INTS6: variants seen among roughly 807,000 people sequenced by gnomAD.
INTS6 encodes the protein DEAD box protein.
In INTS6, 16 loss-of-function variants were observed where a neutral mutation model predicts 104.9. The ratio of observed to expected loss-of-function variants is 0.15; its 90% CI spans 0.10 to 0.23. INTS6 has a LOEUF of 0.23. Ranked by LOEUF, INTS6 falls within the 10% of genes least tolerant of loss-of-function variation. The pLI, the probability that INTS6 is intolerant of heterozygous loss-of-function variation, is 1.00. For synonymous variants in INTS6, 324 were observed against 358.7 expected (o/e 0.90, Z 1.09); for missense variants, 584 against 1,062.8 (o/e 0.55, Z 6.26).
intron 4 of INTS6, among the ~76,000 whole-genome samples, chr13:51,414,812 T>C (rs983604351): frequency 5.4e-5 from 8 of 147,356 alleles, no homozygotes; most frequent in African/African-American, 1.8e-4. Flanking sequence ...CTTCTATATA[T>C]GTATGTATGT....
downstream of INTS6, among the ~76,000 whole-genome samples, chr13:51,358,751 G>A (rs79455016): frequency 4.8e-4 from 73 of 152,200 alleles, no homozygotes; most frequent in East Asian, 0.01. Context: ...CATAGAAGAT[G>A]TTATGGAAGA....
chr13:51,349,981 ACT>A (rs1033973698), downstream of INTS6, among the ~76,000 whole-genome samples: 2 of 152,004 alleles, frequency 1.3e-5, no homozygotes, highest in Non-Finnish European at 2.9e-5. Flanking sequence ...AAAAGTAAAA[ACT>A]CTCTTAGGTC....
chr13:51,449,203 A>T (rs967562239), intron 3 of INTS6: 1 of 152,258 alleles, frequency 6.6e-6, no homozygotes, highest in African/African-American at 2.4e-5. Context: ...TATGCTTTGC[A>T]ATCTTTGCTG....
chr13:51,443,964 T>G (rs1952845635), intron 3 of INTS6: 2 of 152,196 alleles, frequency 1.3e-5, no homozygotes, highest in Admixed American at 1.3e-4. Context: ...AATATTAGAT[T>G]TGTTCCTGAT....
At chr13:51,380,944 G>A (rs970705088) in intron 10 of INTS6, among the ~76,000 whole-genome samples, 2 of 151,890 alleles carry the variant, frequency 1.3e-5, no homozygotes, top group Non-Finnish European at 2.9e-5. Flanking sequence ...AAATATAGTC[G>A]GCCCTACATA....
At chr13:51,341,175 G>A in the INTS6 span, 3 of 1,613,920 alleles carry the variant, frequency 1.9e-6, no homozygotes, top group South Asian at 1.1e-5. Context: ...GAATGACATT[G>A]CTGAAGACTG....
intron 4 of INTS6, among the ~76,000 whole-genome samples, chr13:51,401,062 A>G (rs1203179579): frequency 6.6e-6 from 1 of 152,198 alleles, no homozygotes; most frequent in Non-Finnish European, 1.5e-5. Flanking sequence ...TCATTATTTT[A>G]TACAAAACCA....
At position 51,387,543 on chromosome 13, in the gene INTS6, A is replaced by G. The variant is rs138030207; in HGVS notation, c.740-3T>C. ...CCTTGATATATCTGGCTGCCCATCTATAGCAAAGAAATTAAGACAAAGAAA... is the reference window on the plus strand; with the variant it reads ...CCTTGATATATCTGGCTGCCCATCTGTAGCAAAGAAATTAAGACAAAGAAA... On this transcript the variant is annotated splice_polypyrimidine_tract_variant and splice_region_variant and intron_variant, in intron 6 of 17. Coordinates refer to ENST00000311234, the MANE Select transcript of INTS6 (RefSeq NM_012141.3). 2,866 of 1,602,336 alleles carry G rather than the reference A, an allele frequency of 1.8e-3. 41 individuals are homozygous for G. The African/African-American group carries it at 0.035, about 20-fold the overall frequency.
chr13:51,422,883 A>C, intron 4 of INTS6: 1 of 331,858 alleles, frequency 3.0e-6, no homozygotes, highest in Non-Finnish European at 5.7e-6. Flanking sequence ...ATGCTTTTGC[A>C]TACTGTTTTC....
In INTS6 at chr13:51,452,352, C is replaced by T; in HGVS notation, c.111+63G>A. 1 of 1,406,434 alleles carries T rather than the reference C, an allele frequency of 7.1e-7. No homozygotes were observed. The highest frequency in any genetic ancestry group is 1.4e-5 in the South Asian group (1 of 72,108). 87.1% of individuals were successfully genotyped at this position (1,406,434 alleles called of 1,614,324 possible). A position where few individuals can be genotyped will look rare whatever the true frequency, so the allele number is the denominator to read the frequency against. The stretch of plus-strand genomic sequence containing the variant: ...CGACACCCCCGCCCCGGCCGCCCTC[C>T]CCCACCCTGCCGCCCGCGGGCCGCC... On this transcript the variant is annotated intron_variant, in intron 1 of 17. Transcript: ENST00000311234. The surrounding 1 kb of genome is among the most constrained non-coding windows in gnomAD (Gnocchi z 4.2).
At chr13:51,427,875 A>C (rs187215154) in intron 4 of INTS6, among the ~76,000 whole-genome samples, 10 of 152,296 alleles carry the variant, frequency 6.6e-5, no homozygotes, top group African/African-American at 2.4e-4. Context: ...AATCTTCCTA[A>C]CCTTACTAGC....
intron 7 of INTS6, chr13:51,384,432 A>G (rs566003854): frequency 3.7e-6 from 1 of 269,030 alleles, no homozygotes; most frequent in East Asian, 1.0e-4. Context: ...GCTATGAGGA[A>G]ATAATTTTAA....
At chr13:51,413,595 A>G (rs1003855809) in intron 4 of INTS6, among the ~76,000 whole-genome samples, 12 of 152,222 alleles carry the variant, frequency 7.9e-5, no homozygotes, top group African/African-American at 2.9e-4. Flanking sequence ...TATGACAGAA[A>G]CACATTCTTT....
chr13:51,365,552 A>C lies in INTS6; in HGVS notation c.*200T>G. 1 of 359,178 alleles carries C rather than the reference A, an allele frequency of 2.8e-6. No individual in the cohort carries two copies. Among genetic ancestry groups the C allele is most frequent in the Non-Finnish European group, 5.2e-6 (1 of 191,260 alleles). 22.2% of individuals were successfully genotyped at this position (359,178 alleles called of 1,614,324 possible). A position where few individuals can be genotyped will look rare whatever the true frequency, so the allele number is the denominator to read the frequency against. ...TAAATTAAAAATGTTTTTTAGAGTG[A>C]TACTTTTCACATTACAAAAATAAAC... is the stretch of plus-strand genomic sequence containing the variant. On this transcript the variant is annotated 3_prime_UTR_variant, in exon 18 of 18. Transcript: ENST00000311234.
chr13:51,425,960 T>C (rs73197808), intron 4 of INTS6, among the ~76,000 whole-genome samples: 5 of 151,874 alleles, frequency 3.3e-5, no homozygotes, highest in Admixed American at 2.6e-4. Flanking sequence ...TTTTATCAAA[T>C]AGCTGCATTA....
chr13:51,450,174 A>G (rs541740402), intron 3 of INTS6: 18 of 985,074 alleles, frequency 1.8e-5, no homozygotes, highest in African/African-American at 1.0e-4. Context: ...TCACTACAAC[A>G]TAAGAACTGA....
intron 3 of INTS6, chr13:51,448,835 C>G (rs1952977792): frequency 6.6e-6 from 1 of 152,108 alleles, no homozygotes; most frequent in Non-Finnish European, 1.5e-5. Flanking sequence ...CACCACAGAT[C>G]CTAGTATAGA....
In INTS6 at chr13:51,452,201, G is replaced by A. The variant is rs1953074172; in HGVS notation, c.112-146C>T. The stretch of plus-strand genomic sequence containing the variant: ...CCCTCCACGCCGTCCCCCACACACA[G>A]ATCGCTCCCCACACACCGCCCGGGG... On this transcript the variant is annotated intron_variant, in intron 1 of 17. Transcript: ENST00000311234. The surrounding 1 kb of genome is among the most constrained non-coding windows in gnomAD (Gnocchi z 4.2). 3.9e-6 allele frequency: 3 copies of A among 777,650 alleles called. No homozygotes were observed. The highest frequency in any genetic ancestry group is 2.8e-5 in the Admixed American group (1 of 35,896). 48.2% of individuals were successfully genotyped at this position (777,650 alleles called of 1,614,324 possible). A position where few individuals can be genotyped will look rare whatever the true frequency, so the allele number is the denominator to read the frequency against.
At chr13:51,395,616 T>G in intron 4 of INTS6, 133 bp from the exon 5 acceptor site, 5 of 766,526 alleles carry the variant, frequency 6.5e-6, no homozygotes, top group Middle Eastern at 4.8e-4. Context: ...ATATAAAAGC[T>G]TACTTGTTCA....
Sources: allele counts gnomAD v4.1 joint callset (sites outside exome capture counted in the v4.1 genomes callset), GRCh38; gene constraint gnomAD v4.1.1; non-coding constraint Gnocchi (gnomAD v3.1); transcripts MANE v1.5; gene names NCBI Gene and HGNC (gene_info 2026-07-23, HGNC 2026-07-21).